Variants in CPQ observed in about 807,000 individuals in gnomAD.
CPQ encodes the protein Ser-Met dipeptidase.
In CPQ, 37 loss-of-function variants were observed where a neutral mutation model predicts 45.7. That is an observed-to-expected ratio of 0.81 (90% CI 0.62 to 1.07). The LOEUF (loss-of-function observed/expected upper bound fraction) is 1.07, where lower values mean the gene tolerates loss of function less well. CPQ is among the 50% of genes least tolerant of loss of function. The pLI is 0.00. For synonymous variants in CPQ, 186 were observed against 205.8 expected (o/e 0.90, Z 0.82); for missense variants, 537 against 572.9 (o/e 0.94, Z 0.64).
rs114123270 is a variant in CPQ, at chr8:96,699,087, T to C, written c.-35+53685T>C. 6.4e-3 allele frequency among the ~76,000 whole-genome samples: 974 copies of C among 152,260 alleles called. 5 individuals are homozygous for C. The highest frequency in any genetic ancestry group is 0.018 in the African/African-American group (754 of 41,554). ...GCAATATTTGGGAGCAAACTAAGTG[T>C]CCATCAACAGATGAATGGATAAAGA... On this transcript the variant is annotated intron_variant, in intron 1 of 7. Coordinates refer to ENST00000220763, the MANE Select transcript of CPQ (RefSeq NM_016134.4).
chr8:96,673,309 C>G (rs1421196017), intron 1 of CPQ, among the ~76,000 whole-genome samples: 1 of 152,144 alleles, frequency 6.6e-6, no homozygotes, highest in East Asian at 1.9e-4. Context: ...TAAATACCAT[C>G]TAGAGGTTTC....
At chr8:96,695,252 AC>A (rs1809360646) in intron 1 of CPQ, among the ~76,000 whole-genome samples, 1 of 148,768 alleles carries the variant, frequency 6.7e-6, no homozygotes, top group Non-Finnish European at 1.5e-5. Context: ...GAAAGCTGAA[AC>A]TGGATCCCTT....
At chr8:96,742,096 A>C (rs1286085624) in intron 1 of CPQ, among the ~76,000 whole-genome samples, 1 of 143,044 alleles carries the variant, frequency 7.0e-6, no homozygotes, top group African/African-American at 2.6e-5. Context: ...CCCATTATTA[A>C]TGTGTGGGAG....
intron 7 of CPQ, among the ~76,000 whole-genome samples, chr8:97,080,803 G>A (rs979510088): frequency 3.9e-5 from 6 of 151,968 alleles, no homozygotes; most frequent in East Asian, 1.9e-4. Flanking sequence ...AAATATGGTC[G>A]AGCTCTGTGA....
intron 5 of CPQ, among the ~76,000 whole-genome samples, chr8:97,011,900 C>T (rs974092541): frequency 1.3e-5 from 2 of 152,124 alleles, no homozygotes; most frequent in African/African-American, 2.4e-5. Context: ...CCTTTATTAG[C>T]TTTCTTCCCT....
At chr8:96,867,988 G>A (rs973492732) in intron 3 of CPQ, among the ~76,000 whole-genome samples, 1 of 152,118 alleles carries the variant, frequency 6.6e-6, no homozygotes, top group East Asian at 1.9e-4. Context: ...GTACATCTCA[G>A]TCCCTTGGAG....
chr8:96,784,064 G>A (rs926158540), intron 1 of CPQ, among the ~76,000 whole-genome samples: 1 of 152,070 alleles, frequency 6.6e-6, no homozygotes, highest in Non-Finnish European at 1.5e-5. Flanking sequence ...TAAAATAAAG[G>A]TAATAATAAA....
At chr8:96,922,228 C>T (rs1812818927) in intron 4 of CPQ, among the ~76,000 whole-genome samples, 1 of 152,086 alleles carries the variant, frequency 6.6e-6, no homozygotes, top group Admixed American at 6.6e-5. Context: ...TGTTCAGACC[C>T]ATATTTATAA....
chr8:96,754,322 A>C (rs1268257035), intron 1 of CPQ, among the ~76,000 whole-genome samples: 1 of 152,070 alleles, frequency 6.6e-6, no homozygotes. Flanking sequence ...TACATGCTGT[A>C]ATCTCTGAGG....
intron 2 of CPQ, among the ~76,000 whole-genome samples, chr8:96,787,127 A>G (rs969423200): frequency 6.6e-6 from 1 of 151,814 alleles, no homozygotes; most frequent in Non-Finnish European, 1.5e-5. Flanking sequence ...TACTACTACT[A>G]CTGTAATGTA....
intron 4 of CPQ, among the ~76,000 whole-genome samples, chr8:96,926,627 TC>T (rs1812892757): frequency 3.0e-4 from 40 of 135,244 alleles, no homozygotes; most frequent in African/African-American, 7.9e-4. Context: ...CTTCTTCTCC[TC>T]CTTCTCCTTC....
intron 3 of CPQ, among the ~76,000 whole-genome samples, chr8:96,850,972 G>T (rs1178266595): frequency 6.6e-6 from 1 of 150,762 alleles, no homozygotes; most frequent in Non-Finnish European, 1.5e-5. Context: ...TCCAAATATT[G>T]CCCTTTACTG....
intron 1 of CPQ, among the ~76,000 whole-genome samples, chr8:96,755,661 A>C (rs969711392): frequency 1.3e-5 from 2 of 151,924 alleles, no homozygotes; most frequent in African/African-American, 4.8e-5. Flanking sequence ...TATATAATTA[A>C]TTCAAAATAA....
Position 97,039,752 on chromosome 8 carries a change from C to T in CPQ, c.1053+10258C>T, listed in dbSNP as rs536377222. Among the ~76,000 whole-genome samples, 705 of 151,800 alleles carry T rather than the reference C, an allele frequency of 4.6e-3. 3 individuals are homozygous for T. Among genetic ancestry groups the T allele is most frequent in the African/African-American group, 0.016 (642 of 41,346 alleles). The stretch of plus-strand genomic sequence containing the variant: ...TGTGGTGTTTGGTTTTTTGTCCTTG[C>T]GATAGTTTACTGAGAATGATGATTT... On this transcript the variant is annotated intron_variant, in intron 6 of 7. Transcript: ENST00000220763.
At chr8:96,887,070 G>A (rs1032683831) in intron 4 of CPQ, among the ~76,000 whole-genome samples, 1 of 152,046 alleles carries the variant, frequency 6.6e-6, no homozygotes, top group Non-Finnish European at 1.5e-5. Context: ...CATCACTTCT[G>A]GGGTGTTAAT....
At chr8:97,025,218 A>G (rs1809777021) in intron 5 of CPQ, among the ~76,000 whole-genome samples, 2 of 152,144 alleles carry the variant, frequency 1.3e-5, no homozygotes, top group Non-Finnish European at 2.9e-5. Flanking sequence ...AATAATGAAA[A>G]AAAAGTCCAA....
At chr8:96,720,551 C>T (rs913404314) in intron 1 of CPQ, among the ~76,000 whole-genome samples, 2 of 152,308 alleles carry the variant, frequency 1.3e-5, no homozygotes, top group East Asian at 3.9e-4. Flanking sequence ...TAGGACTTAA[C>T]TTACAAATTA....
Position 96,854,557 on chromosome 8 carries a change from A to AAAAAAAAAAAAAAAAAAAAAAAACAC in CPQ, c.641+19379_641+19380insAAAAAAAAAAAAAAAAAAAAACACAA, listed in dbSNP as rs1554573253. ...AAAAAAAAAAAAAAAAAAAAAAAAAAAATGTGGTGGAACTAAAAGCCCAGT... is the reference window on the plus strand; with the variant it reads ...AAAAAAAAAAAAAAAAAAAAAAAAAAAAAAAAAAAAAAAAAAAAAAAAACACAATGTGGTGGAACTAAAAGCCCAGT... On this transcript the variant is annotated intron_variant, in intron 3 of 7. Transcript: ENST00000220763. Among the ~76,000 whole-genome samples the AAAAAAAAAAAAAAAAAAAAAAAACAC allele has an allele frequency of 2.6e-5, 2 of 76,866 alleles. 1 individual carries two copies. Among genetic ancestry groups the AAAAAAAAAAAAAAAAAAAAAAAACAC allele is most frequent in the African/African-American group, 1.0e-4 (2 of 19,998 alleles). 50.4% of individuals were successfully genotyped at this position (76,866 alleles called of 152,430 possible).
intron 2 of CPQ, among the ~76,000 whole-genome samples, chr8:96,830,059 C>G (rs1232273719): frequency 2.6e-5 from 4 of 152,162 alleles, no homozygotes; most frequent in Admixed American, 6.6e-5. Flanking sequence ...CATGAATGTG[C>G]AGTTTCCTTA....
Sources: gnomAD v4.1 joint callset for allele counts (sites outside exome capture counted in the v4.1 genomes callset) on GRCh38, gnomAD v4.1.1 for gene constraint, MANE v1.5 for transcripts, NCBI Gene and HGNC (gene_info 2026-07-23, HGNC 2026-07-21) for gene names.